FSAF1: variants seen among roughly 807,000 people sequenced by gnomAD.
FSAF1 encodes uncharacterized protein C1orf131.
chr1:231,240,403 TC>T, the FSAF1 span, among the ~76,000 whole-genome samples: 1 of 152,186 alleles, frequency 6.6e-6, no homozygotes, highest in Admixed American at 6.6e-5. This position sits in a 1 kb window ranked among gnomAD's most constrained non-coding sequence, Gnocchi z 4.1. Context: ...TGTCACCTTC[TC>T]CCGGGAAAGC....
chr1:231,239,144 TTTTC>T, the FSAF1 span: 1 of 1,599,264 alleles, frequency 6.3e-7, no homozygotes, highest in South Asian at 1.1e-5. Context: ...TTGTTTTCCC[TTTTC>T]TTTATGATCT....
At chr1:231,231,161 C>CT in the FSAF1 span, among the ~76,000 whole-genome samples, 2 of 152,212 alleles carry the variant, frequency 1.3e-5, no homozygotes, top group South Asian at 4.1e-4. Context: ...CTGACAGCAT[C>CT]AAGTGCCTTA....
chr1:231,226,417 T>G, the FSAF1 span: 2 of 386,898 alleles, frequency 5.2e-6, no homozygotes. Flanking sequence ...GCCAGTGCTA[T>G]GCTTTCCATG....
chr1:231,231,707 T>C, the FSAF1 span, among the ~76,000 whole-genome samples: 10 of 152,182 alleles, frequency 6.6e-5, no homozygotes, highest in African/African-American at 2.4e-4. Context: ...TGATAGCTAC[T>C]ATGAGGCTGA....
the FSAF1 span, among the ~76,000 whole-genome samples, chr1:231,233,638 C>G: frequency 6.6e-6 from 1 of 152,122 alleles, no homozygotes; most frequent in Non-Finnish European, 1.5e-5. Context: ...CTGCAAACTC[C>G]GCCTACCGGG....
At chr1:231,229,053 T>G in the FSAF1 span, 2 of 746,912 alleles carry the variant, frequency 2.7e-6, no homozygotes, top group African/African-American at 3.6e-5. Context: ...CATGTTATGT[T>G]ATAAACTTAT....
chr1:231,236,202 T>A, the FSAF1 span, among the ~76,000 whole-genome samples: 1 of 152,226 alleles, frequency 6.6e-6, no homozygotes, highest in Non-Finnish European at 1.5e-5. Context: ...GACTACCCTT[T>A]AACTTGGCAT....
the FSAF1 span, chr1:231,226,833 G>C: frequency 1.3e-6 from 2 of 1,599,428 alleles, no homozygotes; most frequent in Non-Finnish European, 1.7e-6. Context: ...AGGCTGTAAT[G>C]AAAGAACAAA....
At chr1:231,225,209 G>C in the FSAF1 span, 1 of 533,414 alleles carries the variant, frequency 1.9e-6, no homozygotes, top group Non-Finnish European at 3.3e-6. Flanking sequence ...GTCTTTTCTT[G>C]GAAATGTAAA....
the FSAF1 span, among the ~76,000 whole-genome samples, chr1:231,233,851 G>A: frequency 1.3e-5 from 2 of 152,100 alleles, no homozygotes; most frequent in Non-Finnish European, 1.5e-5. Context: ...GTGCCCAGCC[G>A]AACAAAAATG....
chr1:231,227,564 C>T, the FSAF1 span, among the ~76,000 whole-genome samples: 26 of 150,388 alleles, frequency 1.7e-4, 1 homozygote, highest in African/African-American at 5.9e-4. Flanking sequence ...TGTGAGCCAC[C>T]GTGCCTGGCT....
At chr1:231,231,162 A>G in the FSAF1 span, among the ~76,000 whole-genome samples, 2 of 152,162 alleles carry the variant, frequency 1.3e-5, no homozygotes, top group South Asian at 4.1e-4. Context: ...TGACAGCATC[A>G]AGTGCCTTAA....
chr1:231,232,821 G>A, the FSAF1 span, among the ~76,000 whole-genome samples: 1 of 152,186 alleles, frequency 6.6e-6, no homozygotes, highest in Non-Finnish European at 1.5e-5. Flanking sequence ...CTCTTACGCG[G>A]CTTAGATTTT....
chr1:231,231,225 T>C, the FSAF1 span, among the ~76,000 whole-genome samples: 1 of 152,240 alleles, frequency 6.6e-6, no homozygotes, highest in African/African-American at 2.4e-5. Flanking sequence ...TTCCATTTTA[T>C]CCACACCAGA....
the FSAF1 span, among the ~76,000 whole-genome samples, chr1:231,228,393 G>A: frequency 6.6e-6 from 1 of 152,236 alleles, no homozygotes; most frequent in East Asian, 1.9e-4. Context: ...GAGGTCAGGA[G>A]TTCAAAACCA....
At chr1:231,224,954 T>C in the FSAF1 span, 5 of 165,662 alleles carry the variant, frequency 3.0e-5, no homozygotes, top group African/African-American at 9.6e-5. Context: ...CCAGAACAAA[T>C]GACCATTTTA....
chr1:231,239,038 A>G, the FSAF1 span: 72 of 1,614,038 alleles, frequency 4.5e-5, no homozygotes, highest in African/African-American at 8.7e-4. Flanking sequence ...TTCCTTGAAG[A>G]AGCTCGAAGC....
chr1:231,239,065 C>G, the FSAF1 span: 1 of 1,614,190 alleles, frequency 6.2e-7, no homozygotes, highest in East Asian at 2.2e-5. Context: ...CCTCTGGCCT[C>G]TTATGAGAGA....
At chr1:231,240,901 A>T in the FSAF1 span, 1 of 844,256 alleles carries the variant, frequency 1.2e-6, no homozygotes, top group East Asian at 2.5e-5. This position sits in a 1 kb window ranked among gnomAD's most constrained non-coding sequence, Gnocchi z 4.1. Context: ...AGGTGGGACG[A>T]AGGGTGCTTG....
Sources: allele counts gnomAD v4.1 joint callset (sites outside exome capture counted in the v4.1 genomes callset), GRCh38; gene constraint gnomAD v4.1.1; non-coding constraint Gnocchi (gnomAD v3.1); transcripts MANE v1.5; gene names NCBI Gene and HGNC (gene_info 2026-07-23, HGNC 2026-07-21).